Variants in UTY observed in about 807,000 individuals in gnomAD.
UTY encodes the protein ubiquitously transcribed tetratricopeptide repeat containing, Y-linked, also known as histone demethylase UTY.
In UTY, 12 loss-of-function variants were observed where a neutral mutation model predicts 32.5. That is an observed-to-expected ratio of 0.37 (90% CI 0.24 to 0.60). The LOEUF (loss-of-function observed/expected upper bound fraction) is 0.60. Ranked by LOEUF, UTY falls within the 20% of genes least tolerant of loss-of-function variation. The pLI, the probability that UTY is intolerant of heterozygous loss-of-function variation, is 0.69. For missense variants in UTY, 303 were observed against 299.2 expected, an observed-to-expected ratio of 1.01 and a Z score of -0.09; for synonymous variants, 131 against 103.4, an observed-to-expected ratio of 1.27 and a Z score of -1.62.
At chrY:13,440,227 A>C in intron 4 of UTY, among the ~76,000 whole-genome samples, 1 of 33,914 alleles carries the variant, frequency 2.9e-5, no homozygotes, top group Non-Finnish European at 7.3e-5. Context: ...TGTTCAATAG[A>C]TAAGTGGATA....
intron 27 of UTY, among the ~76,000 whole-genome samples, chrY:13,265,983 G>A (rs2055745909): frequency 6.0e-5 from 2 of 33,510 alleles, no homozygotes; most frequent in Admixed American, 5.4e-4. Context: ...CATTTATTGA[G>A]ATAATCATGT....
intron 18 of UTY, 83 bp downstream of exon 18, chrY:13,335,480 T>C: frequency 3.2e-6 from 1 of 312,972 alleles, no homozygotes. Flanking sequence ...TTACATTTCT[T>C]AACATATCAC....
intron 25 of UTY, among the ~76,000 whole-genome samples, chrY:13,301,348 C>T: frequency 3.1e-5 from 1 of 32,289 alleles, no homozygotes; most frequent in South Asian, 6.9e-4. Context: ...AAAAAAAAAG[C>T]AGCAAAGCCA....
intron 4 of UTY, among the ~76,000 whole-genome samples, chrY:13,420,434 C>T: frequency 3.0e-5 from 1 of 33,308 alleles, no homozygotes; most frequent in Non-Finnish European, 7.4e-5. Flanking sequence ...ACCAATGGAA[C>T]AGAATAGCGA....
At chrY:13,371,320 A>T in intron 8 of UTY, among the ~76,000 whole-genome samples, 1 of 32,746 alleles carries the variant, frequency 3.1e-5, no homozygotes, top group Non-Finnish European at 7.5e-5. Flanking sequence ...TCCTGAGATG[A>T]TATGATCTAT....
intron 17 of UTY, among the ~76,000 whole-genome samples, chrY:13,353,810 G>C (rs2062606984): frequency 3.2e-4 from 11 of 33,899 alleles, no homozygotes; most frequent in Non-Finnish European, 5.1e-4. Context: ...AAGACAGTTT[G>C]ACAGGTGGAG....
At chrY:13,387,899 A>G in intron 8 of UTY, among the ~76,000 whole-genome samples, 1 of 34,021 alleles carries the variant, frequency 2.9e-5, no homozygotes, top group Non-Finnish European at 7.3e-5. Flanking sequence ...AAATTTCATC[A>G]TTTATGTTCT....
intron 28 of UTY, among the ~76,000 whole-genome samples, chrY:13,256,241 T>G (rs773863562): frequency 2.9e-5 from 1 of 34,071 alleles, no homozygotes; most frequent in South Asian, 6.6e-4. Flanking sequence ...GATGAAATCC[T>G]AGTCTCACTA....
intron 5 of UTY, among the ~76,000 whole-genome samples, chrY:13,413,372 A>G: frequency 2.9e-5 from 1 of 34,078 alleles, no homozygotes; most frequent in Non-Finnish European, 7.4e-5. Flanking sequence ...CCCATGTGAC[A>G]GGAAGCAGCA....
chrY:13,471,570 C>G (rs765747300), intron 2 of UTY, among the ~76,000 whole-genome samples: 1 of 33,720 alleles, frequency 3.0e-5, no homozygotes, highest in African/African-American at 1.2e-4. Flanking sequence ...AAGGGGTAAT[C>G]GCAGCAACTT....
intron 7 of UTY, among the ~76,000 whole-genome samples, chrY:13,394,427 G>C: frequency 3.1e-5 from 1 of 32,733 alleles, no homozygotes. Context: ...AGATCACTGT[G>C]GTCAAGAACA....
At chrY:13,350,486 TAAAC>T (rs2062291942) in intron 17 of UTY, among the ~76,000 whole-genome samples, 1 of 32,997 alleles carries the variant, frequency 3.0e-5, no homozygotes, top group Non-Finnish European at 7.5e-5. Context: ...TCAATAAAAA[TAAAC>T]AAAGTTTCAA....
intron 4 of UTY, among the ~76,000 whole-genome samples, chrY:13,430,740 C>A: frequency 3.3e-5 from 1 of 29,894 alleles, no homozygotes; most frequent in Non-Finnish European, 8.0e-5. Flanking sequence ...CTAGACCAGC[C>A]CAGACAACAT....
At chrY:13,429,427 AG>A (rs2073744482) in intron 4 of UTY, among the ~76,000 whole-genome samples, 1 of 32,941 alleles carries the variant, frequency 3.0e-5, no homozygotes, top group Non-Finnish European at 7.4e-5. Context: ...GAGAAAATCA[AG>A]TTTTTGTCCT....
At chrY:13,312,905 T>C (rs2059267509) in intron 21 of UTY, among the ~76,000 whole-genome samples, 1 of 33,135 alleles carries the variant, frequency 3.0e-5, no homozygotes, top group Non-Finnish European at 7.4e-5. Flanking sequence ...ACCCAACACA[T>C]GCTGGCGAGG....
chrY:13,360,336 C>T, intron 11 of UTY, 94 bp downstream of exon 11: 1 of 244,155 alleles, frequency 4.1e-6, no homozygotes, highest in South Asian at 3.9e-5. Context: ...CTATATCCAG[C>T]CAGTTAATTT....
rs747002378 is a variant in UTY, at chrY:13,364,492, G to A, written c.866+1775C>T. 9.1e-5 allele frequency among the ~76,000 whole-genome samples: 3 copies of A among 33,066 alleles called. No individual in the cohort carries two copies. In the South Asian group the frequency reaches 2.0e-3, roughly 22 times the overall value. The allele number at this position is 33,066 out of a possible 37,273, so 88.7% of individuals were successfully genotyped here. A position where few individuals can be genotyped will look rare whatever the true frequency, so the allele number is the denominator to read the frequency against. On this transcript the variant is annotated intron_variant, in intron 10 of 29. Coordinates refer to ENST00000545955, the MANE Select transcript of UTY (RefSeq NM_001258249.2). ...AGATTCTCCTGCCTCAGTCTCCAGA[G>A]CAGCTGGTATTATAGTCGCCTGCTC...
intron 8 of UTY, 87 bp from the exon 9 acceptor site, chrY:13,369,436 T>C: frequency 1.2e-5 from 1 of 84,201 alleles, no homozygotes; most frequent in Non-Finnish European, 2.2e-5. Flanking sequence ...TACATGGCCA[T>C]ACTTAACTTA....
chrY:13,325,760 CA>C (rs2060201095), intron 19 of UTY, among the ~76,000 whole-genome samples: 1 of 33,568 alleles, frequency 3.0e-5, no homozygotes, highest in Non-Finnish European at 7.4e-5. Flanking sequence ...TACCCTGGAA[CA>C]ATTATCTTTT....
Sources: allele counts gnomAD v4.1 joint callset (sites outside exome capture counted in the v4.1 genomes callset), GRCh38; gene constraint gnomAD v4.1.1; transcripts MANE v1.5; gene names NCBI Gene and HGNC (gene_info 2026-07-23, HGNC 2026-07-21).